The following EGFR variants were observed in gnomAD, a reference collection of about 807,000 sequenced individuals.
EGFR encodes the protein avian erythroblastic leukemia viral (v-erb-b) oncogene homolog.
In EGFR, 58 loss-of-function variants were observed where a neutral mutation model predicts 143.0. The observed-to-expected ratio is 0.41, with a 90% CI of 0.33 to 0.50. The LOEUF is 0.50. Among genes scored for constraint, EGFR ranks in the 20% least tolerant of loss-of-function variants. The pLI, the probability that EGFR is intolerant of heterozygous loss-of-function variation, is 0.39. For synonymous variants in EGFR, 613 were observed against 594.4 expected (o/e 1.03, Z -0.45); for missense variants, 1,307 against 1,579.0 (o/e 0.83, Z 2.92).
At chr7:55,129,798 G>A (rs946660618) in intron 1 of EGFR, among the ~76,000 whole-genome samples, 1 of 152,140 alleles carries the variant, frequency 6.6e-6, no homozygotes, top group African/African-American at 2.4e-5. Flanking sequence ...TTGGCCTTGG[G>A]GGAAAATGAA....
At chr7:55,059,420 T>C (rs912039935) in intron 1 of EGFR, among the ~76,000 whole-genome samples, 5 of 152,194 alleles carry the variant, frequency 3.3e-5, no homozygotes, top group Non-Finnish European at 2.9e-5. Flanking sequence ...TATTAACGTC[T>C]GTCATTAGCA....
chr7:55,119,525 C>T (rs1293838611), intron 1 of EGFR: 2 of 152,218 alleles, frequency 1.3e-5, no homozygotes, highest in African/African-American at 4.8e-5. Context: ...TGTATCTTCT[C>T]CTGTTTAAAG....
rs866741297 is a variant in EGFR, at chr7:55,172,966, C to T, written c.1920-17C>T. 2 of 1,614,186 alleles carry T rather than the reference C, an allele frequency of 1.2e-6. No homozygotes were observed. Among genetic ancestry groups the T allele is most frequent in the East Asian group, 2.2e-5 (1 of 44,880 alleles). ...GTCAGCAACCTCACCCTTCCTTGTT[C>T]CTCCACCTCATTCCAGGCCTAAGAT... On this transcript the variant is annotated splice_polypyrimidine_tract_variant and intron_variant, in intron 16 of 27. Coordinates refer to ENST00000275493, the MANE Select transcript of EGFR (RefSeq NM_005228.5).
intron 1 of EGFR, among the ~76,000 whole-genome samples, chr7:55,136,273 G>GA (rs1249195810): frequency 6.6e-6 from 1 of 151,998 alleles, no homozygotes; most frequent in Non-Finnish European, 1.5e-5. Context: ...AAGAAAGCGG[G>GA]AAAAAAATCC....
Position 55,061,612 on chromosome 7 carries a change from ATGTG to A in EGFR, c.88+42282_88+42285del, listed in dbSNP as rs1205967063. 3.2e-3 allele frequency among the ~76,000 whole-genome samples: 403 copies of A among 126,330 alleles called. 3 individuals carry two copies. The highest frequency in any genetic ancestry group is 9.3e-3 in the African/African-American group (301 of 32,362). 82.9% of individuals were successfully genotyped at this position (126,330 alleles called of 152,430 possible). On this transcript the variant is annotated intron_variant, in intron 1 of 27. Coordinates refer to ENST00000275493, the MANE Select transcript of EGFR (RefSeq NM_005228.5). ...CTCCCACGGATGACGGTCTCCAGGG[ATGTG>A]TGTGTGTGTGTGTGTGTGTGTGTGT...
chr7:55,077,695 G>A (rs1301180178), intron 1 of EGFR, among the ~76,000 whole-genome samples: 1 of 152,170 alleles, frequency 6.6e-6, no homozygotes, highest in Admixed American at 6.5e-5. Context: ...GAAACAGGCG[G>A]TGCAAGAACT....
At chr7:55,034,185 A>G (rs1180367774) in intron 1 of EGFR, among the ~76,000 whole-genome samples, 2 of 152,180 alleles carry the variant, frequency 1.3e-5, no homozygotes, top group African/African-American at 4.8e-5. Flanking sequence ...CAAGTGAGAA[A>G]AGAATGGATT....
intron 1 of EGFR, among the ~76,000 whole-genome samples, chr7:55,099,085 A>G (rs1422862890): frequency 2.0e-5 from 3 of 152,188 alleles, no homozygotes; most frequent in African/African-American, 7.2e-5. Context: ...ATGAAAATCA[A>G]TTTCTAAAAC....
chr7:55,054,143 G>T (rs1031022996), intron 1 of EGFR, among the ~76,000 whole-genome samples: 1 of 152,128 alleles, frequency 6.6e-6, no homozygotes, highest in South Asian at 2.1e-4. Context: ...CCTGCCCCAG[G>T]CTCCCCACCC....
chr7:55,171,692 A>G (rs560077106), intron 16 of EGFR, among the ~76,000 whole-genome samples: 7 of 152,258 alleles, frequency 4.6e-5, no homozygotes, highest in African/African-American at 1.4e-4. Flanking sequence ...GGCTTCCTTC[A>G]ACATCAGCTC....
chr7:55,180,715 C>T (rs569522659), intron 19 of EGFR: 1 of 165,782 alleles, frequency 6.0e-6, no homozygotes, highest in South Asian at 1.6e-4. Context: ...AAATGCCCAC[C>T]CATTTCCCAG....
intron 8 of EGFR, 28 bp from the exon 9 acceptor site, chr7:55,156,504 CG>C: frequency 6.2e-7 from 1 of 1,613,780 alleles, no homozygotes. Flanking sequence ...CAAATGTGAA[CG>C]GAATACACGT....
chr7:55,130,850 G>A (rs114191697), intron 1 of EGFR, among the ~76,000 whole-genome samples: 2,043 of 152,336 alleles, frequency 0.013, 49 homozygotes, highest in African/African-American at 0.046. Context: ...CTTTCAAGCC[G>A]CAGACGCATC....
At chr7:55,073,968 A>G (rs1471651408) in intron 1 of EGFR, among the ~76,000 whole-genome samples, 2 of 152,262 alleles carry the variant, frequency 1.3e-5, no homozygotes, top group African/African-American at 4.8e-5. Flanking sequence ...TTAAAGAATG[A>G]TCATTTCTTA....
chr7:55,082,167 T>C (rs1293072335), intron 1 of EGFR, among the ~76,000 whole-genome samples: 3 of 152,186 alleles, frequency 2.0e-5, no homozygotes. Context: ...CCAAAGTTAT[T>C]TGATCTTACC....
intron 25 of EGFR, among the ~76,000 whole-genome samples, 160 bp from the exon 26 acceptor site, chr7:55,201,575 T>C (rs1787850973): frequency 6.6e-6 from 1 of 152,192 alleles, no homozygotes; most frequent in Non-Finnish European, 1.5e-5. Flanking sequence ...GGAATGTAAT[T>C]AAATCAAAAC....
At position 55,207,313 on chromosome 7, in the gene EGFR, A is replaced by G; in HGVS notation, c.*1696A>G. The stretch of plus-strand genomic sequence containing the variant: ...GTATTTGATTTTTGTCTCAATGAAA[A>G]TAAAACTATATTCATTTCCACTCTA... On this transcript the variant is annotated 3_prime_UTR_variant, in exon 28 of 28. Coordinates refer to ENST00000275493, the MANE Select transcript of EGFR (RefSeq NM_005228.5). The G allele has an allele frequency of 1.3e-5, 3 of 232,128 alleles. No homozygotes were observed. The highest frequency in any genetic ancestry group is 6.1e-5 in the East Asian group (1 of 16,354). 14.4% of individuals were successfully genotyped at this position (232,128 alleles called of 1,614,324 possible).
Position 55,202,678 on chromosome 7 carries a change from A to C in EGFR, c.3271+53A>C, listed in dbSNP as rs1242837586. The stretch of plus-strand genomic sequence containing the variant: ...GCTCCTCAACCTCCTCGACCCACTC[A>C]GCAGCAGCCAGTCTCCAGTGTCCAA... On this transcript the variant is annotated intron_variant, in intron 27 of 27. Coordinates refer to ENST00000275493, the MANE Select transcript of EGFR (RefSeq NM_005228.5). 2 of 1,516,816 alleles carry C rather than the reference A, an allele frequency of 1.3e-6. No individual in the cohort carries two copies. Among genetic ancestry groups the C allele is most frequent in the Non-Finnish European group, 1.8e-6 (2 of 1,111,550 alleles). 94.0% of individuals were successfully genotyped at this position (1,516,816 alleles called of 1,614,324 possible).
intron 1 of EGFR, chr7:55,109,979 G>T (rs1433895521): frequency 2.0e-6 from 2 of 982,724 alleles, no homozygotes; most frequent in South Asian, 9.4e-5. Flanking sequence ...ACATGAGGAG[G>T]CACAGAAAGA....
Sources: allele counts gnomAD v4.1 joint callset (sites outside exome capture counted in the v4.1 genomes callset), GRCh38; gene constraint gnomAD v4.1.1; transcripts MANE v1.5; gene names NCBI Gene and HGNC (gene_info 2026-07-23, HGNC 2026-07-21).